The following ROBO2 variants were observed in gnomAD, a reference collection of about 807,000 sequenced individuals.
ROBO2 encodes the protein roundabout guidance receptor 2.
In ROBO2, 53 loss-of-function variants were observed where a neutral mutation model predicts 160.8. The observed-to-expected ratio is 0.33, with a 90% confidence interval of 0.26 to 0.41. The LOEUF (loss-of-function observed/expected upper bound fraction) is 0.41, where lower values mean the gene tolerates loss of function less well. Ranked by LOEUF, ROBO2 falls within the 10% of genes least tolerant of loss-of-function variation. The pLI is 1.00. For missense variants in ROBO2, 1,577 were observed against 1,722.4 expected, an observed-to-expected ratio of 0.92 and a Z score of 1.49; for synonymous variants, 664 against 611.7, an observed-to-expected ratio of 1.09 and a Z score of -1.26.
At chr3:77,557,918 T>TA in intron 8 of ROBO2, 26 bp from the exon 10 acceptor site, 1 of 1,423,442 alleles carries the variant, frequency 7.0e-7, no homozygotes, top group Non-Finnish European at 9.4e-7. Context: ...GATGTTAAAA[T>TA]ACCTGAAAAG....
intron 2 of ROBO2, among the ~76,000 whole-genome samples, chr3:77,235,047 A>T (rs1308570077): frequency 2.0e-5 from 3 of 152,246 alleles, no homozygotes; most frequent in Non-Finnish European, 1.5e-5. Context: ...AAGACAGAAT[A>T]GCACAATCAT....
intron 2 of ROBO2, among the ~76,000 whole-genome samples, chr3:76,226,153 T>C (rs1357546321): frequency 6.6e-6 from 1 of 152,224 alleles, no homozygotes; most frequent in African/African-American, 2.4e-5. Flanking sequence ...CAATGAAGTC[T>C]ATAAGAACAC....
intron 2 of ROBO2, among the ~76,000 whole-genome samples, chr3:76,322,324 TA>T (rs1274713882): frequency 6.6e-6 from 1 of 151,526 alleles, no homozygotes; most frequent in South Asian, 2.1e-4. Context: ...TCACTGTGTG[TA>T]AAAATTATAA....
intron 1 of ROBO2, among the ~76,000 whole-genome samples, chr3:75,934,122 C>A (rs1401357167): frequency 6.6e-6 from 1 of 152,100 alleles, no homozygotes; most frequent in East Asian, 1.9e-4. Flanking sequence ...TGCCTTGTGA[C>A]CTTAAACATT....
At chr3:76,312,822 G>C (rs149104999) in intron 2 of ROBO2, among the ~76,000 whole-genome samples, 1 of 152,184 alleles carries the variant, frequency 6.6e-6, no homozygotes, top group Non-Finnish European at 1.5e-5. Flanking sequence ...CTAGCTACCC[G>C]TGAGAAAGAT....
chr3:77,051,987 T>A (rs1369793812), intron 1 of ROBO2, among the ~76,000 whole-genome samples: 1 of 152,252 alleles, frequency 6.6e-6, no homozygotes, highest in African/African-American at 2.4e-5. Context: ...GAACCCTTTT[T>A]GATAATCAAT....
At chr3:76,699,185 A>G (rs1028467197) in intron 2 of ROBO2, among the ~76,000 whole-genome samples, 5 of 152,186 alleles carry the variant, frequency 3.3e-5, no homozygotes, top group African/African-American at 1.2e-4. Context: ...CTCAGTGAAT[A>G]TATTGAGATC....
intron 2 of ROBO2, among the ~76,000 whole-genome samples, chr3:76,572,496 C>T (rs1324059571): frequency 6.6e-6 from 1 of 152,104 alleles, no homozygotes; most frequent in Non-Finnish European, 1.5e-5. Context: ...TCTCCATCAT[C>T]GACATTTAGT....
intron 2 of ROBO2, among the ~76,000 whole-genome samples, chr3:77,322,414 T>C (rs2064814183): frequency 6.6e-6 from 1 of 152,126 alleles, no homozygotes; most frequent in Non-Finnish European, 1.5e-5. Context: ...AAAGTTCTAG[T>C]TGCATTCTGA....
At chr3:77,135,397 T>C (rs143646200) in intron 2 of ROBO2, among the ~76,000 whole-genome samples, 3 of 152,104 alleles carry the variant, frequency 2.0e-5, no homozygotes, top group Non-Finnish European at 4.4e-5. Flanking sequence ...AATCTCTTTT[T>C]AATTTAATTA....
chr3:77,234,102 G>T (rs1323082774), intron 2 of ROBO2, among the ~76,000 whole-genome samples: 1 of 152,118 alleles, frequency 6.6e-6, no homozygotes, highest in African/African-American at 2.4e-5. Flanking sequence ...TGGGACTTTG[G>T]GTTTTTGCCT....
At chr3:76,182,851 T>A (rs143651820) in intron 2 of ROBO2, among the ~76,000 whole-genome samples, 1 of 152,172 alleles carries the variant, frequency 6.6e-6, no homozygotes, top group Non-Finnish European at 1.5e-5. Context: ...TCAATTACGA[T>A]ATAATATTTG....
At chr3:75,974,133 A>G (rs568503170) in intron 2 of ROBO2, among the ~76,000 whole-genome samples, 18 of 151,846 alleles carry the variant, frequency 1.2e-4, no homozygotes, top group African/African-American at 2.4e-4. Flanking sequence ...GGGATTGACT[A>G]TGGTGAGGTC....
chr3:76,471,663 CT>C (rs1450060212), intron 2 of ROBO2, among the ~76,000 whole-genome samples: 1 of 152,158 alleles, frequency 6.6e-6, no homozygotes, highest in East Asian at 1.9e-4. Context: ...TATTGAATGT[CT>C]AAAAGTATAA....
At chr3:75,981,577 T>G in intron 2 of ROBO2, among the ~76,000 whole-genome samples, 1 of 56,604 alleles carries the variant, frequency 1.8e-5, no homozygotes, top group Non-Finnish European at 5.0e-5. Flanking sequence ...ACAAGTACTG[T>G]AACAAACTGT....
intron 13 of ROBO2, among the ~76,000 whole-genome samples, chr3:77,571,740 C>T (rs763831290): frequency 3.0e-4 from 46 of 151,864 alleles, no homozygotes; most frequent in Non-Finnish European, 5.9e-4. Context: ...TAATAAAACT[C>T]GTAACAAACA....
chr3:76,144,223 C>T (rs754377838), intron 2 of ROBO2, among the ~76,000 whole-genome samples: 8 of 151,958 alleles, frequency 5.3e-5, no homozygotes, highest in Non-Finnish European at 1.2e-4. Flanking sequence ...ACAAACAAAA[C>T]TGTTCTGGAC....
chr3:76,274,591 C>T (rs1442964356), intron 2 of ROBO2, among the ~76,000 whole-genome samples: 2 of 151,976 alleles, frequency 1.3e-5, no homozygotes, highest in Non-Finnish European at 2.9e-5. Context: ...GTAATTCCAG[C>T]ACTTTGGGAG....
intron 2 of ROBO2, among the ~76,000 whole-genome samples, chr3:75,942,848 G>T (rs1948117349): frequency 6.6e-6 from 1 of 152,072 alleles, no homozygotes; most frequent in Non-Finnish European, 1.5e-5. Context: ...AAAATTATCT[G>T]TGTAGATTAA....
Sources: gnomAD v4.1 joint callset for allele counts (sites outside exome capture counted in the v4.1 genomes callset) on GRCh38, gnomAD v4.1.1 for gene constraint, MANE v1.5 for transcripts, NCBI Gene and HGNC (gene_info 2026-07-23, HGNC 2026-07-21) for gene names.